The following AKAP8 variants were observed in gnomAD, a reference collection of about 807,000 sequenced individuals.
The protein encoded by AKAP8 is A-kinase anchoring protein 8.
Under a neutral mutation model 67.5 loss-of-function variants are expected in AKAP8, and 24 were observed. The ratio of observed to expected loss-of-function variants is 0.36; its 90% CI spans 0.26 to 0.50. AKAP8 has a LOEUF of 0.50. AKAP8 is among the 20% of genes least tolerant of loss of function. AKAP8 has a pLI of 0.97. For missense variants in AKAP8, 971 were observed against 955.9 expected, an observed-to-expected ratio of 1.02 and a Z score of -0.21; for synonymous variants, 400 against 371.1, an observed-to-expected ratio of 1.08 and a Z score of -0.90.
At chr19:15,359,463 T>TA (rs1397075416) in intron 12 of AKAP8, among the ~76,000 whole-genome samples, 1 of 152,238 alleles carries the variant, frequency 6.6e-6, no homozygotes, top group Non-Finnish European at 1.5e-5. Context: ...CTCATGCCTG[T>TA]AATCCTAGCA....
intron 13 of AKAP8, among the ~76,000 whole-genome samples, chr19:15,356,260 C>T (rs1053549561): frequency 6.6e-6 from 1 of 151,506 alleles, no homozygotes; most frequent in Non-Finnish European, 1.5e-5. Flanking sequence ...AAAAAATTAG[C>T]CGGGCATGGT....
At chr19:15,363,225 G>A (rs76619409) in intron 9 of AKAP8, among the ~76,000 whole-genome samples, 106,456 of 146,792 alleles carry the variant, frequency 0.73, 38,836 homozygotes, top group East Asian at 0.98. Flanking sequence ...CGGGAGGGAG[G>A]TGGGGGGATC....
Position 15,376,969 on chromosome 19 carries a change from C to CACTT in AKAP8, c.58+3_58+6dup. 1 of 1,612,136 alleles carries CACTT rather than the reference C, an allele frequency of 6.2e-7. No homozygotes were observed. The highest frequency in any genetic ancestry group is 8.5e-7 in the Non-Finnish European group (1 of 1,179,226). Reference sequence around the variant, plus strand: ...CACGCCTCACCCGCAAAGCAGAGCCCACTTACCCTGGGTGTTGGCAGGTCC... The same window carrying CACTT: ...CACGCCTCACCCGCAAAGCAGAGCCCACTTACTTACCCTGGGTGTTGGCAGGTCC... On this transcript the variant is annotated splice_region_variant and intron_variant, in intron 2 of 13. Coordinates refer to ENST00000269701, the MANE Select transcript of AKAP8 (RefSeq NM_005858.4).
chr19:15,357,236 G>A (rs940651333), intron 13 of AKAP8, among the ~76,000 whole-genome samples: 1 of 151,604 alleles, frequency 6.6e-6, no homozygotes, highest in Non-Finnish European at 1.5e-5. Flanking sequence ...TGGGATTACA[G>A]GCGTGAGCCA....
At chr19:15,366,030 T>TTA (rs1331901399) in intron 9 of AKAP8, among the ~76,000 whole-genome samples, 1 of 52,662 alleles carries the variant, frequency 1.9e-5, no homozygotes, top group Non-Finnish European at 4.1e-5. Flanking sequence ...TCTCAAAGGA[T>TTA]AAAAAAAAAA....
In AKAP8 at chr19:15,361,330, T is replaced by C. The variant is rs1426398765; in HGVS notation, c.1397-352A>G. On this transcript the variant is annotated intron_variant, in intron 11 of 13. Coordinates refer to ENST00000269701, the MANE Select transcript of AKAP8 (RefSeq NM_005858.4). ...TCTCGTCATCACCTTCTCAGCCAACTTGGGCTGGCTTCATGCCACTTTTTT... is the reference window on the plus strand; with the variant it reads ...TCTCGTCATCACCTTCTCAGCCAACCTGGGCTGGCTTCATGCCACTTTTTT... The C allele has an allele frequency of 2.6e-5, 6 of 230,288 alleles. No homozygotes were observed. The East Asian group carries it at 5.9e-4, about 23-fold the overall frequency. 14.3% of individuals were successfully genotyped at this position (230,288 alleles called of 1,614,324 possible). A position where few individuals can be genotyped will look rare whatever the true frequency, so the allele number is the denominator to read the frequency against.
intron 9 of AKAP8, 150 bp downstream of exon 9, chr19:15,368,085 C>T (rs923056503): frequency 1.1e-6 from 1 of 926,424 alleles, no homozygotes; most frequent in East Asian, 2.6e-5. Context: ...TCTGCACTCC[C>T]AATTGTTTAC....
chr19:15,374,694 C>T, intron 2 of AKAP8, 59 bp from the exon 3 acceptor site: 1 of 1,592,158 alleles, frequency 6.3e-7, no homozygotes, highest in Non-Finnish European at 8.6e-7. Context: ...ACTGACACCC[C>T]AGCTGTCACC....
At chr19:15,368,134 C>T in intron 9 of AKAP8, 101 bp downstream of exon 9, 1 of 1,508,666 alleles carries the variant, frequency 6.6e-7, no homozygotes, top group East Asian at 2.3e-5. Flanking sequence ...GGAGTCAGGC[C>T]ACCAGGCCCC....
chr19:15,373,077 G>A lies in AKAP8; in HGVS notation c.635C>T (p.Pro212Leu), dbSNP rs1270812806. Reference protein sequence around the residue: ...GTFMRSDPFVPPAASSEPLST... With the variant: ...GTFMRSDPFVLPAASSEPLST... Reference sequence around the variant, plus strand: ...CAGGGGCTCAGAGGACGCAGCGGGGGGCACGAAGGGGTCGCTGCGCATGAA... The same window carrying A: ...CAGGGGCTCAGAGGACGCAGCGGGGAGCACGAAGGGGTCGCTGCGCATGAA... The change falls in exon 5 of 14, where the codon CCC becomes CTC. Residue 212 changes from proline (P) to leucine (L), a missense_variant. Around this residue, in one of 3 missense-constraint regions of AKAP8, gnomAD observed 763 missense variants for 745.4 expected, o/e 1.02. Coordinates refer to ENST00000269701, the MANE Select transcript of AKAP8 (RefSeq NM_005858.4). The A allele has an allele frequency of 6.2e-7, 1 of 1,610,752 alleles. No individual in the cohort carries two copies.
At chr19:15,363,405 G>A (rs1967011184) in intron 9 of AKAP8, among the ~76,000 whole-genome samples, 1 of 147,346 alleles carries the variant, frequency 6.8e-6, no homozygotes, top group African/African-American at 2.5e-5. Flanking sequence ...GGAAGTGAGG[G>A]GCGCCTCTGC....
intron 11 of AKAP8, chr19:15,361,349 C>CTTTT (rs34004834): frequency 1.3e-4 from 16 of 118,898 alleles, no homozygotes; most frequent in South Asian, 7.0e-4. Context: ...CTTCATGCCA[C>CTTTT]TTTTTTTTTT....
rs1234503786 is a variant in AKAP8, at chr19:15,355,141, T to C, written c.1853A>G (p.Asp618Gly). The C allele has an allele frequency of 1.2e-6, 2 of 1,613,336 alleles. No homozygotes were observed. The highest frequency in any genetic ancestry group is 1.7e-5 in the Admixed American group (1 of 60,010). The change falls in exon 14 of 14, where the codon GAT becomes GGT. Residue 618 changes from aspartate to glycine, a missense_variant. Coordinates refer to ENST00000269701, the MANE Select transcript of AKAP8 (RefSeq NM_005858.4). ...TTCCAGCAGCTGTTCGGCTTGAGGA[T>C]CACTACCGGCCTCCGCTGTGTCCGT... Reference protein sequence around the residue: ...GPTDTAEAGSDPQAEQLLEEQ... With the variant: ...GPTDTAEAGSGPQAEQLLEEQ...
rs141962668 is a variant in AKAP8 at position 15,373,830 on chromosome 19, C to T, written c.327G>A (p.Arg109=). 6.2e-7 allele frequency: 1 copy of T among 1,612,126 alleles called. No homozygotes were observed. The change falls in exon 4 of 14, where the codon AGG becomes AGA. Residue 109 remains arginine (R), a synonymous_variant. Transcript: ENST00000269701. The stretch of plus-strand genomic sequence containing the variant: ...CCTCCCCACCGCCGCCGCTCCCGCC[C>T]CTGCCTCCTTCCTTGGACATCATGT... The part of the protein sequence containing the change: ...RLDMMSKEGG[R]GGSGGGGEGI...
chr19:15,371,820 G>C (rs1384788874), intron 7 of AKAP8, 132 bp downstream of exon 7: 1 of 1,007,682 alleles, frequency 9.9e-7, no homozygotes, highest in Non-Finnish European at 1.5e-6. Flanking sequence ...CTAGCTAAAA[G>C]TCAGGGTCCT....
Position 15,372,003 on chromosome 19 carries a change from C to A in AKAP8, c.992-5G>T. 6.2e-7 allele frequency: 1 copy of A among 1,614,124 alleles called. No homozygotes were observed. The highest frequency in any genetic ancestry group is 8.5e-7 in the Non-Finnish European group (1 of 1,180,040). ...GGAAGTCACCAGCTGCGTCATCTGC[C>A]AGACACAAAGAAAGGAAAAGTCAGT... On this transcript the variant is annotated splice_polypyrimidine_tract_variant and splice_region_variant and intron_variant, in intron 6 of 13. Coordinates refer to ENST00000269701, the MANE Select transcript of AKAP8 (RefSeq NM_005858.4).
In AKAP8 at chr19:15,379,770, C is replaced by T. The variant is rs748934580; in HGVS notation, c.-39G>A. On this transcript the variant is annotated 5_prime_UTR_variant, in exon 1 of 14. Coordinates refer to ENST00000269701, the MANE Select transcript of AKAP8 (RefSeq NM_005858.4). ...CCCACCAGCAGCCCCGTTTACTAGG[C>T]GACCACAGCACGCATGCGTTCAGCG... 8.7e-6 allele frequency: 14 copies of T among 1,609,438 alleles called. 1 individual carries two copies. The South Asian group carries it at 1.3e-4, about 15-fold the overall frequency.
chr19:15,362,394 C>CCCTCTCCCTCTCTTTCCACGGTCTA (rs1966983801), intron 9 of AKAP8, 143 bp from the exon 10 acceptor site: 1 of 432,670 alleles, frequency 2.3e-6, no homozygotes. Flanking sequence ...CCCACGGTCT[C>CCCTCTCCCTCTCTTTCCACGGTCTA]CCTCTGATGC....
intron 3 of AKAP8, 89 bp downstream of exon 3, chr19:15,374,514 G>A (rs1438156316): frequency 8.1e-6 from 12 of 1,488,838 alleles, no homozygotes; most frequent in Non-Finnish European, 1.1e-5. Context: ...GAAAGTCCAC[G>A]CCAGACCTCC....
Sources: allele counts gnomAD v4.1 joint callset (sites outside exome capture counted in the v4.1 genomes callset), GRCh38; gene constraint gnomAD v4.1.1; regional missense constraint gnomAD v4.1.1; transcripts MANE v1.5; gene names NCBI Gene and HGNC (gene_info 2026-07-23, HGNC 2026-07-21).